Variants in SNX5 observed in about 807,000 individuals in gnomAD.
SNX5 encodes sorting nexin 5, also known as sorting nexin-5.
SNX5 carries 31 observed loss-of-function variants against 53.9 expected under a neutral mutation model. The ratio of observed to expected loss-of-function variants is 0.58; its 90% CI spans 0.43 to 0.78. SNX5 has a LOEUF of 0.78. SNX5 is among the 30% of genes least tolerant of loss of function. The pLI is 0.00. For missense variants in SNX5, 471 were observed against 478.8 expected (o/e 0.98, Z 0.15); for synonymous variants, 168 against 171.1 (o/e 0.98, Z 0.14).
At chr20:17,957,432 CAAAAAAA>C (rs11476332) in intron 1 of SNX5, among the ~76,000 whole-genome samples, 1 of 119,058 alleles carries the variant, frequency 8.4e-6, no homozygotes, top group African/African-American at 3.2e-5. Flanking sequence ...GAAACTGTCT[CAAAAAAA>C]AAAAAAAAGA....
chr20:17,962,891 GGAA>G lies in SNX5; in HGVS notation c.51+5481_51+5483del, dbSNP rs139929147. ...GTTCCTAGAACAGGAACTGAGGCTTGGAAGAAGGTCAGTGCAGCGCACTCAGCG... is the reference window on the plus strand; with the variant it reads ...GTTCCTAGAACAGGAACTGAGGCTTGGAAGGTCAGTGCAGCGCACTCAGCG... On this transcript the variant is annotated intron_variant, in intron 1 of 12. Coordinates refer to ENST00000377759, the MANE Select transcript of SNX5 (RefSeq NM_014426.4). 2.3e-3 allele frequency: 1,195 copies of G among 519,108 alleles called. 4 individuals carry two copies. The highest frequency in any genetic ancestry group is 3.6e-3 in the Non-Finnish European group (945 of 260,022). The allele number at this position is 519,108 out of a possible 1,614,324, so 32.2% of individuals were successfully genotyped here. A position where few individuals can be genotyped will look rare whatever the true frequency, so the allele number is the denominator to read the frequency against.
chr20:17,942,754 A>G, intron 12 of SNX5: 1 of 366,446 alleles, frequency 2.7e-6, no homozygotes, highest in Non-Finnish European at 4.9e-6. Flanking sequence ...GGAAAGATTG[A>G]ATAAAAGTTG....
intron 1 of SNX5, among the ~76,000 whole-genome samples, chr20:17,957,795 G>A (rs969822743): frequency 6.6e-6 from 1 of 152,208 alleles, no homozygotes; most frequent in Non-Finnish European, 1.5e-5. Flanking sequence ...AGAGTTCAGA[G>A]TAAACCTGGG....
In SNX5 at chr20:17,951,494, A is replaced by G. The variant is rs375061288; in HGVS notation, c.609+6T>C. 760 of 1,599,236 alleles carry G rather than the reference A, an allele frequency of 4.8e-4. No individual in the cohort carries two copies. Among genetic ancestry groups the G allele is most frequent in the Non-Finnish European group, 6.2e-4 (730 of 1,168,936 alleles). ...AAATTTTCTCCAACAGCCAAAGGTC[A>G]CTTACCTTAACTCCAGTAAAAAGGA... is the stretch of plus-strand genomic sequence containing the variant. On this transcript the variant is annotated splice_donor_region_variant and intron_variant, in intron 6 of 12. Transcript: ENST00000377759.
intron 1 of SNX5, 111 bp from the exon 2 acceptor site, chr20:17,957,148 C>T (rs936789895): frequency 1.4e-6 from 1 of 720,004 alleles, no homozygotes; most frequent in Non-Finnish European, 2.5e-6. Flanking sequence ...TTAGAAATGT[C>T]AGTTGAGCTG....
chr20:17,951,674 T>A, intron 5 of SNX5, 79 bp from the exon 6 acceptor site: 1 of 964,840 alleles, frequency 1.0e-6, no homozygotes, highest in Non-Finnish European at 1.7e-6. Flanking sequence ...AGTAACATTT[T>A]AAGTAATCCT....
intron 3 of SNX5, among the ~76,000 whole-genome samples, 185 bp downstream of exon 3, chr20:17,955,180 C>T (rs1433149001): frequency 6.6e-6 from 1 of 152,158 alleles, no homozygotes; most frequent in Non-Finnish European, 1.5e-5. Context: ...AGCCTGTATG[C>T]ACCACCTCAA....
chr20:17,961,728 A>G (rs2035453782), intron 1 of SNX5: 2 of 985,256 alleles, frequency 2.0e-6, no homozygotes, highest in South Asian at 4.7e-5. Flanking sequence ...ATCTGTTCCT[A>G]GCCTCTAGGG....
chr20:17,965,892 T>C (rs2035529088), intron 1 of SNX5, among the ~76,000 whole-genome samples: 1 of 152,124 alleles, frequency 6.6e-6, no homozygotes, highest in Non-Finnish European at 1.5e-5. Flanking sequence ...AGTTTGTAAG[T>C]TTGGACTTGC....
Position 17,964,338 on chromosome 20 carries a change from C to G in SNX5, c.51+4037G>C, listed in dbSNP as rs556323165. Among the ~76,000 whole-genome samples the G allele has an allele frequency of 3.9e-5, 6 of 152,170 alleles. No individual in the cohort carries two copies. In the South Asian group the frequency reaches 1.2e-3, roughly 32 times the overall value. ...GCTTTTCAGGCAGAAAATTAGTTTTCTCTCCAGACCATATAGGAATGCCTA... is the reference window on the plus strand; with the variant it reads ...GCTTTTCAGGCAGAAAATTAGTTTTGTCTCCAGACCATATAGGAATGCCTA... On this transcript the variant is annotated intron_variant, in intron 1 of 12. Coordinates refer to ENST00000377759, the MANE Select transcript of SNX5 (RefSeq NM_014426.4).
rs371106805 is a variant in SNX5 at position 17,967,939 on chromosome 20, C to T, written c.51+436G>A. ...TTCCCAAGTTGTTTGGGCCCCCCCC[C>T]CAAAAAAGTCTTCTCAGTAAAAGGT... On this transcript the variant is annotated intron_variant, in intron 1 of 12. Transcript: ENST00000377759. 16 of 397,406 alleles carry T rather than the reference C, an allele frequency of 4.0e-5. 1 individual carries two copies. The Middle Eastern group carries it at 2.5e-3, about 62-fold the overall frequency. The allele number at this position is 397,406 out of a possible 1,614,324, so 24.6% of individuals were successfully genotyped here. A position where few individuals can be genotyped will look rare whatever the true frequency, so the allele number is the denominator to read the frequency against.
At chr20:17,957,428 G>A (rs1281577025) in intron 1 of SNX5, among the ~76,000 whole-genome samples, 1 of 116,758 alleles carries the variant, frequency 8.6e-6, no homozygotes, top group African/African-American at 3.2e-5. Flanking sequence ...GAGCGAAACT[G>A]TCTCAAAAAA....
chr20:17,955,781 CTTTT>C (rs142812581), intron 2 of SNX5, among the ~76,000 whole-genome samples: 2 of 151,924 alleles, frequency 1.3e-5, no homozygotes, highest in Admixed American at 6.6e-5. Flanking sequence ...TTTCTGTGTA[CTTTT>C]TTTTGTTTAT....
At chr20:17,951,773 G>A (rs903374368) in intron 5 of SNX5, among the ~76,000 whole-genome samples, 178 bp from the exon 6 acceptor site, 2 of 152,160 alleles carry the variant, frequency 1.3e-5, no homozygotes, top group Non-Finnish European at 2.9e-5. Flanking sequence ...CCCAAACATA[G>A]GTAGGTCATC....
intron 1 of SNX5, among the ~76,000 whole-genome samples, chr20:17,964,935 G>A (rs1454789725): frequency 6.6e-6 from 1 of 152,184 alleles, no homozygotes; most frequent in Admixed American, 6.5e-5. Context: ...CAAGTACCCA[G>A]AACCTGCTGA....
intron 11 of SNX5, 77 bp from the exon 12 acceptor site, chr20:17,943,272 T>C: frequency 2.1e-6 from 2 of 934,754 alleles, no homozygotes; most frequent in Non-Finnish European, 3.5e-6. Context: ...CCAAATGGCA[T>C]TCTTACAAAT....
rs911216203 is a variant in SNX5 at position 17,942,181 on chromosome 20, C to T, written c.*176G>A. 1 of 589,990 alleles carries T rather than the reference C, an allele frequency of 1.7e-6. No individual in the cohort carries two copies. Among genetic ancestry groups the T allele is most frequent in the Admixed American group, 3.0e-5 (1 of 33,438 alleles). 36.5% of individuals were successfully genotyped at this position (589,990 alleles called of 1,614,324 possible). On this transcript the variant is annotated 3_prime_UTR_variant, in exon 13 of 13. Coordinates refer to ENST00000377759, the MANE Select transcript of SNX5 (RefSeq NM_014426.4). ...AAATTAGTTATGTCCAAGTAGCAAG[C>T]AATAATATTTTTAAACCAACATGGT... is the stretch of plus-strand genomic sequence containing the variant.
Position 17,968,534 on chromosome 20 carries a change from C to T in SNX5, c.-109G>A. ...CTCGGGGGCGGCCACGGCCCCGCCT[C>T]CGCCGGCCTCCCTGCCCGACGGCGG... On this transcript the variant is annotated 5_prime_UTR_variant, in exon 1 of 13. Transcript: ENST00000377759. The T allele has an allele frequency of 2.9e-6, 3 of 1,045,154 alleles. No individual in the cohort carries two copies. The highest frequency in any genetic ancestry group is 3.9e-6 in the Non-Finnish European group (3 of 770,890). The allele number at this position is 1,045,154 out of a possible 1,614,324, so 64.7% of individuals were successfully genotyped here. A position where few individuals can be genotyped will look rare whatever the true frequency, so the allele number is the denominator to read the frequency against.
chr20:17,956,598 C>T (rs2035359070), intron 2 of SNX5, among the ~76,000 whole-genome samples: 1 of 141,160 alleles, frequency 7.1e-6, no homozygotes, highest in Admixed American at 7.5e-5. Context: ...TTGCTTGAAC[C>T]CGGGAGGCAG....
Sources: gnomAD v4.1 joint callset for allele counts (sites outside exome capture counted in the v4.1 genomes callset) on GRCh38, gnomAD v4.1.1 for gene constraint, MANE v1.5 for transcripts, NCBI Gene and HGNC (gene_info 2026-07-23, HGNC 2026-07-21) for gene names.